Variants in CA9 observed in about 807,000 individuals in gnomAD.
CA9 encodes the protein CA-IX.
A neutral mutation model predicts 51.8 loss-of-function variants in CA9; 43 were observed. The ratio of observed to expected loss-of-function variants is 0.83; its 90% CI spans 0.65 to 1.07. The LOEUF is 1.07. CA9 is among the 50% of genes least tolerant of loss of function. The pLI, the probability that CA9 is intolerant of heterozygous loss-of-function variation, is 0.00. For missense variants in CA9, 574 were observed against 581.4 expected, an observed-to-expected ratio of 0.99 and a Z score of 0.13; for synonymous variants, 253 against 244.2, an observed-to-expected ratio of 1.04 and a Z score of -0.34.
chr9:35,677,379 C>T (rs564163721), intron 5 of CA9, among the ~76,000 whole-genome samples: 2 of 152,288 alleles, frequency 1.3e-5, no homozygotes, highest in African/African-American at 4.8e-5. Flanking sequence ...GACACCAACA[C>T]AAAGGTGTAT....
At chr9:35,675,249 C>T in intron 1 of CA9, 2 of 475,444 alleles carry the variant, frequency 4.2e-6, no homozygotes, top group South Asian at 2.5e-5. Context: ...CCACCCTGGC[C>T]TCCCAAAGTG....
intron 4 of CA9, 22 bp from the exon 5 acceptor site, chr9:35,676,275 C>T (rs1563922462): frequency 1.2e-6 from 2 of 1,614,014 alleles, no homozygotes; most frequent in Admixed American, 1.7e-5. Context: ...GTGGCCCTCT[C>T]CTACCCTCGT....
rs1173940131 is a variant in CA9, at chr9:35,673,980, C to T, written c.21C>T (p.Ser7=). Residue 7 remains serine (S), a synonymous_variant, in exon 1 of 11, where the codon AGC becomes AGT. Transcript: ENST00000378357. ...GCCGCATGGCTCCCCTGTGCCCCAG[C>T]CCCTGGCTCCCTCTGTTGATCCCGG... MAPLCP[S]PWLPLLIPAP... 1.2e-6 allele frequency: 2 copies of T among 1,606,480 alleles called. No individual in the cohort carries two copies. Among genetic ancestry groups the T allele is most frequent in the Non-Finnish European group, 1.7e-6 (2 of 1,175,878 alleles).
intron 2 of CA9, 66 bp downstream of exon 2, chr9:35,675,633 C>T: frequency 6.3e-7 from 1 of 1,594,800 alleles, no homozygotes; most frequent in South Asian, 1.1e-5. Flanking sequence ...CCCCTACAGC[C>T]GTCCCTGAAC....
In CA9 at chr9:35,679,249, C is replaced by T. The variant is rs1824483006; in HGVS notation, c.972C>T (p.Tyr324=). Residue 324 remains tyrosine, a synonymous_variant, in exon 7 of 11, where the codon TAC becomes TAT. Coordinates refer to ENST00000378357, the MANE Select transcript of CA9 (RefSeq NM_001216.3). ...SALLPSDFSR[Y]FQYEGSLTTP... Reference sequence around the variant, plus strand: ...TCCTGCCCTCTGACTTCAGCCGCTACTTCCAATATGAGGGGTCTCTGACTA... The same window carrying T: ...TCCTGCCCTCTGACTTCAGCCGCTATTTCCAATATGAGGGGTCTCTGACTA... The T allele has an allele frequency of 3.1e-6, 5 of 1,614,204 alleles. No individual in the cohort carries two copies. In the East Asian group the frequency reaches 8.9e-5, roughly 29 times the overall value.
At chr9:35,675,445 C>A in intron 1 of CA9, 93 bp from the exon 2 acceptor site, 2 of 1,408,962 alleles carry the variant, frequency 1.4e-6, no homozygotes, top group African/African-American at 1.4e-5. Flanking sequence ...CCGTAATGCT[C>A]CTGTAAGGCA....
At chr9:35,676,520 T>C in intron 5 of CA9, 131 bp downstream of exon 5, 1 of 715,778 alleles carries the variant, frequency 1.4e-6, no homozygotes, top group Non-Finnish European at 2.4e-6. Context: ...ATTCACGCAC[T>C]GTTTGTTCAT....
At position 35,679,884 on chromosome 9, in the gene CA9, C is replaced by G; in HGVS notation, c.1096C>G (p.Pro366Ala). 6.2e-7 allele frequency: 1 copy of G among 1,612,624 alleles called. No homozygotes were observed. Among genetic ancestry groups the G allele is most frequent in the Non-Finnish European group, 8.5e-7 (1 of 1,179,386 alleles). Residue 366 changes from proline (P) to alanine (A), a missense_variant, in exon 8 of 11, where the codon CCT becomes GCT. Pro to Ala is a conservative substitution (Grantham distance 27). Transcript: ENST00000378357. Reference sequence around the variant, plus strand: ...CACCCTCTCTGACACCCTGTGGGGACCTGGTGACTCTCGGCTACAGCTGAA... The same window carrying G: ...CACCCTCTCTGACACCCTGTGGGGAGCTGGTGACTCTCGGCTACAGCTGAA... The part of the protein sequence containing the change: ...LHTLSDTLWG[P>A]GDSRLQLNFR...
At position 35,680,327 on chromosome 9, in the gene CA9, G is replaced by A. The variant is rs532232846; in HGVS notation, c.1237+188G>A. Reference sequence around the variant, plus strand: ...CCAGAGGCTAATTGATTAGAATGAAGCTTGAGAAATCTCCCAGCATCCCTC... The same window carrying A: ...CCAGAGGCTAATTGATTAGAATGAAACTTGAGAAATCTCCCAGCATCCCTC... On this transcript the variant is annotated intron_variant, in intron 9 of 10. Transcript: ENST00000378357. 1.6e-4 allele frequency among the ~76,000 whole-genome samples: 24 copies of A among 152,206 alleles called. No homozygotes were observed. In the South Asian group the frequency reaches 5.0e-3, roughly 32 times the overall value.
rs1276659207 is a variant in CA9 at position 35,675,945 on chromosome 9, C to T, written c.604+14C>T. 6.3e-7 allele frequency: 1 copy of T among 1,599,350 alleles called. No individual in the cohort carries two copies. On this transcript the variant is annotated intron_variant, in intron 3 of 10. Transcript: ENST00000378357. The stretch of plus-strand genomic sequence containing the variant: ...ATGGCCACAGTGGTGAGGGGGTCTC[C>T]CCGCCGAGACTTGGGGATGGGGCGG...
At chr9:35,679,706 T>C in intron 7 of CA9, 148 bp from the exon 8 acceptor site, 1 of 749,850 alleles carries the variant, frequency 1.3e-6, no homozygotes, top group Non-Finnish European at 2.1e-6. Flanking sequence ...TAGGATACAT[T>C]TATTTATTTA....
chr9:35,673,996 T>G lies in CA9; in HGVS notation c.37T>G (p.Leu13Val), dbSNP rs1374982001. The G allele has an allele frequency of 6.2e-7, 1 of 1,610,896 alleles. No homozygotes were observed. The highest frequency in any genetic ancestry group is 1.7e-5 in the Admixed American group (1 of 59,794). The change falls in exon 1 of 11, where the codon TTG becomes GTG. Residue 13 changes from leucine (L) to valine (V), a missense_variant. Transcript: ENST00000378357. The part of the protein sequence containing the change: ...PLCPSPWLPL[L>V]IPAPAPGLTV... The stretch of plus-strand genomic sequence containing the variant: ...GTGCCCCAGCCCCTGGCTCCCTCTG[T>G]TGATCCCGGCCCCTGCTCCAGGCCT...
rs1490643712 is a variant in CA9 at position 35,679,867 on chromosome 9, C to CT, written c.1080dup (p.Asp361Ter). ...TGACCTCCCTAGCTCCACACCCTCTCTGACACCCTGTGGGGACCTGGTGAC... is the reference window on the plus strand; with the variant it reads ...TGACCTCCCTAGCTCCACACCCTCTCTTGACACCCTGTGGGGACCTGGTGAC... On this transcript the variant is annotated frameshift_variant, in exon 8 of 11. Transcript: ENST00000378357. LOFTEE classifies it high-confidence loss of function. The CT allele has an allele frequency of 6.2e-7, 1 of 1,609,914 alleles. No homozygotes were observed. Among genetic ancestry groups the CT allele is most frequent in the South Asian group, 1.1e-5 (1 of 90,808 alleles).
chr9:35,676,400 C>T lies in CA9; in HGVS notation c.840+11C>T. 1 of 1,602,412 alleles carries T rather than the reference C, an allele frequency of 6.2e-7. No homozygotes were observed. Among genetic ancestry groups the T allele is most frequent in the African/African-American group, 1.3e-5 (1 of 74,872 alleles). On this transcript the variant is annotated intron_variant, in intron 5 of 10. Transcript: ENST00000378357. ...GCCGCCTTTCTGGAGGTACCAGATC[C>T]TGGACACCCCCTACTCCCCGCTTTC...
At chr9:35,678,089 G>A (rs529386128) in intron 6 of CA9, among the ~76,000 whole-genome samples, 16 of 152,096 alleles carry the variant, frequency 1.1e-4, no homozygotes, top group Non-Finnish European at 2.2e-4. Context: ...GCTCACGCCT[G>A]TAATCCCAGC....
rs879580475 is a variant in CA9 at position 35,675,124 on chromosome 9, G to A, written c.404-414G>A. 56 of 181,638 alleles carry A rather than the reference G, an allele frequency of 3.1e-4. No homozygotes were observed. The Admixed American group carries it at 3.2e-3, about 10-fold the overall frequency. 11.3% of individuals were successfully genotyped at this position (181,638 alleles called of 1,614,324 possible). ...TCCTGCCTCAGCCTCTAGCCAAGTA[G>A]CTGCGATTACAGGCATGCGCCACCA... On this transcript the variant is annotated intron_variant, in intron 1 of 10. Transcript: ENST00000378357.
intron 5 of CA9, among the ~76,000 whole-genome samples, chr9:35,676,951 C>G (rs981260439): frequency 5.3e-5 from 8 of 152,162 alleles, no homozygotes; most frequent in African/African-American, 1.9e-4. Context: ...CTCCCGGGTT[C>G]AAGGGATTCT....
Position 35,681,081 on chromosome 9 carries a change from G to GT in CA9, c.*57dup. 3 of 1,485,316 alleles carry GT rather than the reference G, an allele frequency of 2.0e-6. No homozygotes were observed. Among genetic ancestry groups the GT allele is most frequent in the South Asian group, 2.3e-5 (2 of 86,514 alleles). 92.0% of individuals were successfully genotyped at this position (1,485,316 alleles called of 1,614,324 possible). Reference sequence around the variant, plus strand: ...GCCAGAGGCATCTGAGGGGGAGCCGGTAACTGTCCTGTCCTGCTCATTATG... The same window carrying GT: ...GCCAGAGGCATCTGAGGGGGAGCCGGTTAACTGTCCTGTCCTGCTCATTATG... On this transcript the variant is annotated 3_prime_UTR_variant, in exon 11 of 11. Transcript: ENST00000378357.
At position 35,676,293 on chromosome 9, in the gene CA9, T is replaced by C; in HGVS notation, c.748-4T>C. The C allele has an allele frequency of 1.2e-6, 2 of 1,614,082 alleles. No homozygotes were observed. The highest frequency in any genetic ancestry group is 1.7e-6 in the Non-Finnish European group (2 of 1,180,020). On this transcript the variant is annotated splice_polypyrimidine_tract_variant and splice_region_variant and intron_variant, in intron 4 of 10. Coordinates refer to ENST00000378357, the MANE Select transcript of CA9 (RefSeq NM_001216.3). ...GCCCTCTCCTACCCTCGTGTCCTTT[T>C]CAGATCCACGTGGTTCACCTCAGCA...
Sources: gnomAD v4.1 joint callset for allele counts (sites outside exome capture counted in the v4.1 genomes callset) on GRCh38, gnomAD v4.1.1 for gene constraint, MANE v1.5 for transcripts, NCBI Gene and HGNC (gene_info 2026-07-23, HGNC 2026-07-21) for gene names.